Variants in SYT6 observed in about 807,000 individuals in gnomAD.
The protein encoded by SYT6 is synaptotagmin-6.
A neutral mutation model predicts 38.4 loss-of-function variants in SYT6; 24 were observed. That is an observed-to-expected ratio of 0.62 (90% CI 0.45 to 0.88). The LOEUF is 0.88. Among genes scored for constraint, SYT6 ranks in the 40% least tolerant of loss-of-function variants. SYT6 has a pLI of 0.00. For missense variants in SYT6, 611 were observed against 621.0 expected (o/e 0.98, Z 0.17); for synonymous variants, 265 against 241.9 (o/e 1.10, Z -0.89).
intron 3 of SYT6, among the ~76,000 whole-genome samples, chr1:114,104,957 C>T (rs757474470): frequency 2.0e-5 from 3 of 152,060 alleles, no homozygotes; most frequent in Admixed American, 6.5e-5. Context: ...GCATAGCACC[C>T]AACAGTTAGC....
chr1:114,110,192 C>A (rs187642731), intron 3 of SYT6, among the ~76,000 whole-genome samples: 1 of 152,204 alleles, frequency 6.6e-6, no homozygotes, highest in Non-Finnish European at 1.5e-5. Context: ...AACCCAGACA[C>A]CCACACCAGA....
chr1:114,150,373 T>C (rs1216436446), intron 1 of SYT6, among the ~76,000 whole-genome samples: 1 of 152,196 alleles, frequency 6.6e-6, no homozygotes, highest in East Asian at 1.9e-4. Flanking sequence ...AACACACTAG[T>C]CAGAATATCA....
intron 7 of SYT6, among the ~76,000 whole-genome samples, chr1:114,092,338 C>CTCTCTCTCTCTGTGTG (rs991723002): frequency 7.8e-6 from 1 of 128,488 alleles, no homozygotes; most frequent in Non-Finnish European, 1.6e-5. Flanking sequence ...CTCTCTCTCT[C>CTCTCTCTCTCTGTGTG]TGTGTGTGTG....
In SYT6 at chr1:114,143,509, A is replaced by G. The variant is rs547925344; in HGVS notation, c.164-3546T>C. Among the ~76,000 whole-genome samples, 344 of 149,026 alleles carry G rather than the reference A, an allele frequency of 2.3e-3. 1 individual carries two copies. Among genetic ancestry groups the G allele is most frequent in the Non-Finnish European group, 3.9e-3 (264 of 67,458 alleles). On this transcript the variant is annotated intron_variant, in intron 1 of 7. Coordinates refer to ENST00000610222, the MANE Select transcript of SYT6 (RefSeq NM_001253772.2). ...ATATGTATATATGTATAAGTTATAT[A>G]TAACTTATATGTGTATATATACATA...
chr1:114,096,680 A>T (rs908161977), intron 6 of SYT6, among the ~76,000 whole-genome samples: 12 of 152,204 alleles, frequency 7.9e-5, no homozygotes, highest in Non-Finnish European at 1.6e-4. Context: ...TCTGCATCAT[A>T]GAGTGTGGGG....
chr1:114,105,958 G>A (rs1039881404), intron 3 of SYT6, among the ~76,000 whole-genome samples: 5 of 152,104 alleles, frequency 3.3e-5, no homozygotes, highest in African/African-American at 9.7e-5. Context: ...CCCCACCCTC[G>A]ACATGCAGAT....
chr1:114,122,506 T>TGTGTGTGTGTGTGCGCGC (rs60780339), intron 3 of SYT6, among the ~76,000 whole-genome samples: 26,052 of 146,762 alleles, frequency 0.18, 2,316 homozygotes, highest in South Asian at 0.26. Context: ...TGTGTGTGTG[T>TGTGTGTGTGTGTGCGCGC]GCGCGCACAT....
intron 3 of SYT6, among the ~76,000 whole-genome samples, chr1:114,111,072 G>A (rs1676646097): frequency 6.6e-6 from 1 of 152,154 alleles, no homozygotes; most frequent in Non-Finnish European, 1.5e-5. Context: ...TCCCTCCTTG[G>A]AACTTTTAGG....
intron 3 of SYT6, among the ~76,000 whole-genome samples, chr1:114,129,563 CTTTTCTTTCTTT>C (rs1237132434): frequency 4.0e-5 from 5 of 124,468 alleles, no homozygotes; most frequent in Non-Finnish European, 5.1e-5. Context: ...TTTTTTCTTT[CTTTTCTTTCTTT>C]CTTTCTTTCT....
rs1454284498 is a variant in SYT6, at chr1:114,153,780, A to G, written c.-8T>C. ...CCCCCACACTCCGCTCATGCCCTAG[A>G]CACCCAGGCTTGCCGAGCAGCAGCT... On this transcript the variant is annotated 5_prime_UTR_variant, in exon 1 of 8. Coordinates refer to ENST00000610222, the MANE Select transcript of SYT6 (RefSeq NM_001253772.2). 3.0e-6 allele frequency: 2 copies of G among 662,256 alleles called. No individual in the cohort carries two copies. Among genetic ancestry groups the G allele is most frequent in the Admixed American group, 4.5e-5 (2 of 43,970 alleles). The allele number at this position is 662,256 out of a possible 1,614,324, so 41.0% of individuals were successfully genotyped here.
intron 3 of SYT6, among the ~76,000 whole-genome samples, chr1:114,116,701 C>G (rs1677019114): frequency 6.6e-6 from 1 of 152,166 alleles, no homozygotes; most frequent in Non-Finnish European, 1.5e-5. Context: ...GATCAGCCAA[C>G]TTACCCAGTC....
intron 3 of SYT6, among the ~76,000 whole-genome samples, chr1:114,110,877 C>G (rs753559179): frequency 2.0e-5 from 3 of 152,222 alleles, no homozygotes; most frequent in Non-Finnish European, 2.9e-5. Flanking sequence ...CCAATCCATC[C>G]TCCTTGCTGT....
chr1:114,134,375 T>A (rs1678355053), intron 3 of SYT6, among the ~76,000 whole-genome samples: 1 of 152,170 alleles, frequency 6.6e-6, no homozygotes, highest in East Asian at 1.9e-4. Flanking sequence ...TGGGTACCCA[T>A]ATATAGTTTT....
chr1:114,104,322 C>T (rs986201458), intron 3 of SYT6, among the ~76,000 whole-genome samples: 5 of 152,236 alleles, frequency 3.3e-5, no homozygotes, highest in Admixed American at 2.0e-4. Context: ...GGTCCACTTT[C>T]TCTTTTCTCC....
intron 3 of SYT6, among the ~76,000 whole-genome samples, chr1:114,131,409 T>G (rs899046001): frequency 2.0e-5 from 3 of 152,230 alleles, no homozygotes; most frequent in African/African-American, 7.2e-5. Flanking sequence ...CCTAAAACTT[T>G]TCTTTTCTAG....
chr1:114,125,725 C>T (rs2101052075), intron 3 of SYT6, among the ~76,000 whole-genome samples: 1 of 152,284 alleles, frequency 6.6e-6, no homozygotes, highest in East Asian at 1.9e-4. Context: ...ACCTTGTCTC[C>T]TTCCTCCTCT....
intron 3 of SYT6, among the ~76,000 whole-genome samples, chr1:114,126,752 C>A (rs1009684152): frequency 6.6e-6 from 1 of 152,182 alleles, no homozygotes; most frequent in African/African-American, 2.4e-5. Flanking sequence ...TAATGAGGGG[C>A]ACATTTGGCC....
intron 3 of SYT6, among the ~76,000 whole-genome samples, chr1:114,114,991 G>A (rs889374533): frequency 6.6e-6 from 1 of 152,152 alleles, no homozygotes; most frequent in Non-Finnish European, 1.5e-5. Context: ...TTAGAAAGAA[G>A]CTGCCTTATC....
intron 3 of SYT6, among the ~76,000 whole-genome samples, chr1:114,135,831 C>T (rs1482429462): frequency 6.6e-6 from 1 of 152,206 alleles, no homozygotes; most frequent in Non-Finnish European, 1.5e-5. Flanking sequence ...GGCAACCTCA[C>T]TGTGAGGAGG....
Sources: allele counts gnomAD v4.1 joint callset (sites outside exome capture counted in the v4.1 genomes callset), GRCh38; gene constraint gnomAD v4.1.1; transcripts MANE v1.5; gene names NCBI Gene and HGNC (gene_info 2026-07-23, HGNC 2026-07-21).